The following KCNMA1 variants were observed in gnomAD, a reference collection of about 807,000 sequenced individuals.
KCNMA1 encodes potassium calcium-activated channel subfamily M alpha 1, also known as Calcium-activated potassium channel subunit alpha-1.
A neutral mutation model predicts 140.0 loss-of-function variants in KCNMA1; 29 were observed. The observed-to-expected ratio is 0.21, with a 90% CI of 0.15 to 0.28. The LOEUF (loss-of-function observed/expected upper bound fraction) is 0.28. Ranked by LOEUF, KCNMA1 falls within the 10% of genes least tolerant of loss-of-function variation. The probability of loss-of-function intolerance (pLI) is 1.00; values close to 1 mark genes in which losing one functional copy is unlikely to be tolerated. For missense variants in KCNMA1, 880 were observed against 1,602.2 expected (o/e 0.55, Z 7.70); for synonymous variants, 612 against 611.9 (o/e 1.00, Z 0.00).
chr10:77,331,321 T>C (rs532228080), intron 2 of KCNMA1, among the ~76,000 whole-genome samples: 65 of 152,264 alleles, frequency 4.3e-4, no homozygotes, highest in African/African-American at 1.5e-3. Context: ...CAAAAGTGCT[T>C]TATGATATAT....
At chr10:77,537,470 G>T (rs575593707) in intron 1 of KCNMA1, among the ~76,000 whole-genome samples, 1 of 152,272 alleles carries the variant, frequency 6.6e-6, no homozygotes, top group Admixed American at 6.5e-5. Flanking sequence ...GGCCTGAGAA[G>T]GGCTCTTTCA....
chr10:77,438,763 TTTA>T (rs1216896781), intron 1 of KCNMA1, among the ~76,000 whole-genome samples: 2 of 151,994 alleles, frequency 1.3e-5, no homozygotes, highest in African/African-American at 4.8e-5. Context: ...TCCACAACAT[TTTA>T]TTAAGAAAAT....
intron 2 of KCNMA1, among the ~76,000 whole-genome samples, chr10:77,355,903 T>C (rs749790085): frequency 6.6e-6 from 1 of 152,134 alleles, no homozygotes; most frequent in Non-Finnish European, 1.5e-5. Flanking sequence ...CTCCATCTCA[T>C]AGAAAACTCA....
intron 5 of KCNMA1, among the ~76,000 whole-genome samples, chr10:77,126,717 A>AACC (rs781116991): frequency 1.5e-3 from 100 of 68,412 alleles, no homozygotes; most frequent in African/African-American, 5.1e-3. Flanking sequence ...GGTGCCCCCC[A>AACC]CCCCCCCACC....
At chr10:77,535,552 CA>C (rs2058707126) in intron 1 of KCNMA1, among the ~76,000 whole-genome samples, 1 of 152,054 alleles carries the variant, frequency 6.6e-6, no homozygotes, top group Non-Finnish European at 1.5e-5. Flanking sequence ...GGTATATACC[CA>C]AAAGAAAAGC....
At chr10:77,391,806 C>T (rs147890459) in intron 2 of KCNMA1, among the ~76,000 whole-genome samples, 70 of 151,856 alleles carry the variant, frequency 4.6e-4, no homozygotes, top group Middle Eastern at 3.4e-3. Context: ...CGTGTGGTCC[C>T]GAGTGTGACT....
At chr10:77,233,139 C>T (rs2054182733) in intron 3 of KCNMA1, among the ~76,000 whole-genome samples, 1 of 152,192 alleles carries the variant, frequency 6.6e-6, no homozygotes, top group Non-Finnish European at 1.5e-5. Flanking sequence ...CTATTCTTTC[C>T]TCATTAAATG....
intron 2 of KCNMA1, among the ~76,000 whole-genome samples, chr10:77,362,330 GCCCCCACCCCCTATCCC>G (rs2094021489): frequency 9.8e-6 from 1 of 102,014 alleles, no homozygotes; most frequent in Non-Finnish European, 1.9e-5. Flanking sequence ...AATACCACCA[GCCCCCACCCCCTATCCC>G]CCCCCACCCC....
intron 5 of KCNMA1, among the ~76,000 whole-genome samples, chr10:77,166,573 GAAGA>G (rs1403987165): frequency 1.3e-5 from 2 of 152,020 alleles, no homozygotes; most frequent in Admixed American, 1.3e-4. Context: ...AGGGAAGGAA[GAAGA>G]AAGAGAGGAA....
chr10:77,142,212 C>A (rs7922088), intron 5 of KCNMA1, among the ~76,000 whole-genome samples: 65,153 of 150,270 alleles, frequency 0.43, 14,727 homozygotes, highest in Non-Finnish European at 0.49. Flanking sequence ...CTAAAAAATA[C>A]AAAAAAAAAT....
chr10:76,915,119 C>T, intron 23 of KCNMA1, 70 bp from the exon 24 acceptor site: 1 of 1,061,006 alleles, frequency 9.4e-7, no homozygotes, highest in Non-Finnish European at 1.5e-6. Context: ...TCAGAGTACA[C>T]TATATACATA....
chr10:76,980,438 T>G (rs1221213465), intron 19 of KCNMA1: 1 of 152,180 alleles, frequency 6.6e-6, no homozygotes, highest in Admixed American at 6.5e-5. Context: ...ATTTCGGAGA[T>G]GCTTTGGGAT....
intron 2 of KCNMA1, among the ~76,000 whole-genome samples, chr10:77,257,047 T>C (rs1402646960): frequency 6.6e-6 from 1 of 152,004 alleles, no homozygotes; most frequent in African/African-American, 2.4e-5. Context: ...AGGTGGAAGC[T>C]GCAGTTGAGC....
intron 14 of KCNMA1, among the ~76,000 whole-genome samples, chr10:77,072,357 C>A (rs935094090): frequency 6.6e-6 from 1 of 152,172 alleles, no homozygotes. Flanking sequence ...TTGCTAGTGG[C>A]TGGGCGATCA....
At chr10:77,077,584 A>G (rs1362928101) in intron 13 of KCNMA1, among the ~76,000 whole-genome samples, 2 of 152,252 alleles carry the variant, frequency 1.3e-5, no homozygotes, top group Non-Finnish European at 2.9e-5. Context: ...GGAAAGAGAA[A>G]AAAAAGGAAC....
intron 2 of KCNMA1, among the ~76,000 whole-genome samples, chr10:77,381,261 A>G (rs1035975673): frequency 2.6e-5 from 4 of 152,204 alleles, no homozygotes; most frequent in African/African-American, 9.6e-5. Context: ...GATAGATGAT[A>G]AGTAAAATAA....
In KCNMA1 at chr10:77,473,361, G is replaced by T. The variant is rs557720029; in HGVS notation, c.379-69338C>A. Among the ~76,000 whole-genome samples the T allele has an allele frequency of 2.6e-5, 4 of 152,330 alleles. No homozygotes were observed. In the South Asian group the frequency reaches 8.3e-4, roughly 32 times the overall value. Reference sequence around the variant, plus strand: ...AAGGCTCTTGCAATTATCTCCTGAGGGGGGCTGATGAACTGGGGGCCCCAG... The same window carrying T: ...AAGGCTCTTGCAATTATCTCCTGAGTGGGGCTGATGAACTGGGGGCCCCAG... On this transcript the variant is annotated intron_variant, in intron 1 of 27. Transcript: ENST00000286628.
At chr10:77,438,353 G>T (rs1463991615) in intron 1 of KCNMA1, among the ~76,000 whole-genome samples, 3 of 152,124 alleles carry the variant, frequency 2.0e-5, no homozygotes, top group Admixed American at 1.3e-4. Flanking sequence ...GATCACCTGA[G>T]GTCAGGAGTT....
At chr10:77,327,691 TATAA>T (rs2154362048) in intron 2 of KCNMA1, among the ~76,000 whole-genome samples, 1 of 152,070 alleles carries the variant, frequency 6.6e-6, no homozygotes, top group South Asian at 2.1e-4. Context: ...CACATCCTCC[TATAA>T]GGTGAGAAAC....
Sources: gnomAD v4.1 joint callset for allele counts (sites outside exome capture counted in the v4.1 genomes callset) on GRCh38, gnomAD v4.1.1 for gene constraint, MANE v1.5 for transcripts, NCBI Gene and HGNC (gene_info 2026-07-23, HGNC 2026-07-21) for gene names.